RPTOR: variants seen among roughly 807,000 people sequenced by gnomAD.
The protein encoded by RPTOR is regulatory associated protein of MTOR complex 1.
Under a neutral mutation model 169.9 loss-of-function variants are expected in RPTOR, and 21 were observed. The ratio of observed to expected loss-of-function variants is 0.12; its 90% CI spans 0.09 to 0.18. The LOEUF (loss-of-function observed/expected upper bound fraction) is 0.18. Among genes scored for constraint, RPTOR ranks in the 10% least tolerant of loss-of-function variants. The pLI is 1.00. For missense variants in RPTOR, 1,133 were observed against 1,855.9 expected (o/e 0.61, Z 7.16); for synonymous variants, 732 against 753.2 (o/e 0.97, Z 0.46).
intron 1 of RPTOR, among the ~76,000 whole-genome samples, chr17:80,581,059 A>G (rs2065009330): frequency 6.6e-6 from 1 of 152,126 alleles, no homozygotes; most frequent in East Asian, 1.9e-4. Flanking sequence ...TTTCCTATTC[A>G]TCATTTTCGT....
chr17:80,841,262 CGCAGCTCACTCTCACCGCACG>C (rs2067649249), intron 10 of RPTOR, among the ~76,000 whole-genome samples: 1 of 1,136 alleles, frequency 8.8e-4, no homozygotes. Context: ...CTCACCGCAC[CGCAGCTCACTCTCACCGCACG>C]GCAGCTCACT....
At chr17:80,565,566 T>G (rs1568307116) in intron 1 of RPTOR, among the ~76,000 whole-genome samples, 1 of 148,532 alleles carries the variant, frequency 6.7e-6, no homozygotes, top group Admixed American at 6.7e-5. Flanking sequence ...GCCCCAGGGC[T>G]GGGAGGCGGA....
At chr17:80,626,776 AATTATTATTATTATT>A (rs143412094) in intron 2 of RPTOR, among the ~76,000 whole-genome samples, 33 of 141,018 alleles carry the variant, frequency 2.3e-4, no homozygotes, top group Admixed American at 2.1e-3. Flanking sequence ...CCATTCTAGG[AATTATTATTATTATT>A]ATTATTATTA....
chr17:80,930,457 C>T (rs1598408169), intron 24 of RPTOR, among the ~76,000 whole-genome samples: 18 of 135,956 alleles, frequency 1.3e-4, no homozygotes, highest in South Asian at 2.4e-4. Context: ...CTCAGCTCAT[C>T]CCCAGCTCAT....
chr17:80,786,842 A>G (rs189546241), intron 6 of RPTOR, among the ~76,000 whole-genome samples: 66 of 152,362 alleles, frequency 4.3e-4, no homozygotes, highest in African/African-American at 1.6e-3. Context: ...ATTTAACATC[A>G]TAAAAATCTT....
chr17:80,929,620 C>A (rs2068851027), intron 24 of RPTOR, among the ~76,000 whole-genome samples: 2 of 152,212 alleles, frequency 1.3e-5, no homozygotes, highest in African/African-American at 4.8e-5. Flanking sequence ...GCCCTGAGAG[C>A]ATCTGCTCCT....
chr17:80,658,721 G>A (rs945988012), intron 3 of RPTOR, among the ~76,000 whole-genome samples: 13 of 151,986 alleles, frequency 8.6e-5, no homozygotes, highest in African/African-American at 2.2e-4. Flanking sequence ...GTTCTGTTCC[G>A]AGTTTTTTTC....
intron 9 of RPTOR, among the ~76,000 whole-genome samples, chr17:80,827,903 T>C (rs62069421): frequency 0.15 from 23,502 of 152,256 alleles, 1,943 homozygotes; most frequent in Middle Eastern, 0.23. Context: ...AATATGCCCA[T>C]TTTACTGATG....
intron 1 of RPTOR, among the ~76,000 whole-genome samples, chr17:80,553,750 C>T (rs1162330668): frequency 3.5e-4 from 53 of 150,078 alleles, no homozygotes; most frequent in South Asian, 1.3e-3. Flanking sequence ...GTTTTTTTTT[C>T]TTTTTTTTTA....
chr17:80,956,300 G>C (rs566624255), intron 28 of RPTOR, among the ~76,000 whole-genome samples: 268 of 152,308 alleles, frequency 1.8e-3, no homozygotes, highest in Non-Finnish European at 2.2e-3. Flanking sequence ...GATTACTATG[G>C]TGTTCCTTTC....
At chr17:80,703,763 G>C (rs1190615394) in intron 3 of RPTOR, among the ~76,000 whole-genome samples, 1 of 152,120 alleles carries the variant, frequency 6.6e-6, no homozygotes, top group South Asian at 2.1e-4. Flanking sequence ...CTGGGCTAAC[G>C]CTTTCTTGGA....
chr17:80,797,917 G>A (rs548430689), intron 7 of RPTOR, among the ~76,000 whole-genome samples: 3 of 152,248 alleles, frequency 2.0e-5, no homozygotes, highest in Admixed American at 6.5e-5. Context: ...AGATCCACTC[G>A]GAAAGCAGCC....
intron 6 of RPTOR, among the ~76,000 whole-genome samples, chr17:80,783,119 A>G (rs1392530308): frequency 6.6e-6 from 1 of 152,234 alleles, no homozygotes; most frequent in Non-Finnish European, 1.5e-5. Flanking sequence ...ACTGTTGATC[A>G]TCTCAAGGAC....
intron 2 of RPTOR, among the ~76,000 whole-genome samples, chr17:80,626,890 C>A (rs2065400026): frequency 6.6e-6 from 1 of 151,790 alleles, no homozygotes; most frequent in South Asian, 2.1e-4. Flanking sequence ...TCCTCACTGT[C>A]CATCTCTAGA....
chr17:80,665,685 C>T (rs1177475309), intron 3 of RPTOR, among the ~76,000 whole-genome samples: 1 of 151,466 alleles, frequency 6.6e-6, no homozygotes, highest in Non-Finnish European at 1.5e-5. Context: ...GCTGGGACTA[C>T]AGGCGCCCGC....
intron 23 of RPTOR, among the ~76,000 whole-genome samples, chr17:80,924,431 G>A (rs192830630): frequency 3.3e-5 from 5 of 152,222 alleles, no homozygotes; most frequent in South Asian, 2.1e-4. Flanking sequence ...AGAAGTTAGC[G>A]GCCGCCTTGC....
chr17:80,855,822 C>T lies in RPTOR; in HGVS notation c.1398+275C>T, dbSNP rs116310947. On this transcript the variant is annotated intron_variant, in intron 12 of 33. Transcript: ENST00000306801. ...TTAGACATAGGAGTGAGTGTGTTGTCGGCCGGTCACCTTTTCCTGAGCCGC... is the reference window on the plus strand; with the variant it reads ...TTAGACATAGGAGTGAGTGTGTTGTTGGCCGGTCACCTTTTCCTGAGCCGC... Among the ~76,000 whole-genome samples, 612 of 152,176 alleles carry T rather than the reference C, an allele frequency of 4.0e-3. 8 individuals are homozygous for T. Among genetic ancestry groups the T allele is most frequent in the African/African-American group, 0.014 (576 of 41,518 alleles).
At chr17:80,831,119 T>C (rs1353131075) in intron 9 of RPTOR, among the ~76,000 whole-genome samples, 1 of 152,166 alleles carries the variant, frequency 6.6e-6, no homozygotes, top group African/African-American at 2.4e-5. Flanking sequence ...TTCCGATGTG[T>C]GTTTTCCCAA....
intron 3 of RPTOR, among the ~76,000 whole-genome samples, chr17:80,674,816 AAAAAAAAAAC>A (rs2065850192): frequency 7.4e-6 from 1 of 135,714 alleles, no homozygotes; most frequent in African/African-American, 2.7e-5. Context: ...AAAAAAAAAA[AAAAAAAAAAC>A]AACTTCTCAA....
Sources: gnomAD v4.1 joint callset for allele counts (sites outside exome capture counted in the v4.1 genomes callset) on GRCh38, gnomAD v4.1.1 for gene constraint, MANE v1.5 for transcripts, NCBI Gene and HGNC (gene_info 2026-07-23, HGNC 2026-07-21) for gene names.